Variants in PDE4D observed in about 807,000 individuals in gnomAD.
The protein encoded by PDE4D is 3',5'-cyclic-AMP phosphodiesterase 4D.
Under a neutral mutation model 87.4 loss-of-function variants are expected in PDE4D, and 24 were observed. The observed-to-expected ratio is 0.27, with a 90% CI of 0.20 to 0.39. The LOEUF is 0.39. Among genes scored for constraint, PDE4D ranks in the 10% least tolerant of loss-of-function variants. The pLI, the probability that PDE4D is intolerant of heterozygous loss-of-function variation, is 1.00. For missense variants in PDE4D, 714 were observed against 1,041.0 expected, an observed-to-expected ratio of 0.69 and a Z score of 4.32; for synonymous variants, 384 against 383.2, an observed-to-expected ratio of 1.00 and a Z score of -0.02.
chr5:59,768,417 T>C, intron 1 of PDE4D: 1 of 1,598,362 alleles, frequency 6.3e-7, no homozygotes, highest in Non-Finnish European at 8.5e-7. Flanking sequence ...CTCGCAAGGA[T>C]TTCACAAGGT....
intron 4 of PDE4D, among the ~76,000 whole-genome samples, chr5:59,181,825 A>AT (rs1206345677): frequency 6.6e-6 from 1 of 152,148 alleles, no homozygotes; most frequent in Non-Finnish European, 1.5e-5. Flanking sequence ...CCTAGGGTCT[A>AT]TGCTCTGCTT....
intron 5 of PDE4D, among the ~76,000 whole-genome samples, chr5:59,165,979 G>C (rs1010015976): frequency 1.3e-5 from 2 of 152,130 alleles, no homozygotes; most frequent in African/African-American, 4.8e-5. Context: ...GCACTGTAAA[G>C]ATGCACTGAT....
intron 2 of PDE4D, among the ~76,000 whole-genome samples, chr5:60,017,840 T>G (rs1765670696): frequency 6.6e-6 from 1 of 152,184 alleles, no homozygotes; most frequent in African/African-American, 2.4e-5. Context: ...TCAAATGGTA[T>G]TTCTGGTTCT....
intron 1 of PDE4D, among the ~76,000 whole-genome samples, chr5:59,455,955 C>A (rs1183324467): frequency 1.3e-5 from 2 of 152,192 alleles, no homozygotes; most frequent in African/African-American, 4.8e-5. Flanking sequence ...TTACCCAATG[C>A]CTGTACCCCC....
At chr5:59,795,286 T>C (rs1001219670) in intron 1 of PDE4D, among the ~76,000 whole-genome samples, 2 of 152,156 alleles carry the variant, frequency 1.3e-5, no homozygotes, top group African/African-American at 2.4e-5. Context: ...TATGTGAGGA[T>C]AGACTTAGGG....
intron 5 of PDE4D, among the ~76,000 whole-genome samples, chr5:59,118,471 G>T (rs1286976479): frequency 6.6e-6 from 1 of 152,126 alleles, no homozygotes; most frequent in Non-Finnish European, 1.5e-5. Context: ...AGTGAATAGA[G>T]CAATTCAAAC....
At chr5:59,387,955 C>G (rs988176451) in intron 1 of PDE4D, among the ~76,000 whole-genome samples, 1 of 152,018 alleles carries the variant, frequency 6.6e-6, no homozygotes, top group African/African-American at 2.4e-5. Flanking sequence ...CTTCAGCCCC[C>G]ACCCATCAGC....
chr5:60,372,705 C>T (rs1048879738), intron 1 of PDE4D: 8 of 152,192 alleles, frequency 5.3e-5, no homozygotes, highest in Non-Finnish European at 1.2e-4. Context: ...CACGTACTCT[C>T]TGTGTGACCA....
At chr5:59,073,215 T>C (rs562524663) in intron 5 of PDE4D, among the ~76,000 whole-genome samples, 1 of 152,210 alleles carries the variant, frequency 6.6e-6, no homozygotes, top group East Asian at 1.9e-4. Context: ...GGTCAATACA[T>C]AGTTATAAAA....
chr5:58,976,982 C>T (rs1399133702), intron 12 of PDE4D, among the ~76,000 whole-genome samples: 1 of 152,152 alleles, frequency 6.6e-6, no homozygotes, highest in Non-Finnish European at 1.5e-5. Context: ...TGAGGGTGAG[C>T]TGACATTATT....
In PDE4D at chr5:60,463,226, C is replaced by T. The variant is rs145626932; in HGVS notation, c.-90+24716G>A. The stretch of plus-strand genomic sequence containing the variant: ...TCAGGACTAGTCAGTGCAATCCAGA[C>T]GTGCACACCCTAGATGAGGGAGTTT... On this transcript the variant is annotated intron_variant, in intron 1 of 16. Transcript: ENST00000502484. 3.9e-5 allele frequency among the ~76,000 whole-genome samples: 6 copies of T among 152,288 alleles called. No homozygotes were observed. In the East Asian group the frequency reaches 5.8e-4, roughly 15 times the overall value.
At chr5:59,206,863 C>T (rs555942973) in intron 2 of PDE4D, among the ~76,000 whole-genome samples, 63 of 152,258 alleles carry the variant, frequency 4.1e-4, no homozygotes, top group African/African-American at 1.5e-3. Flanking sequence ...TCTTCCCAGC[C>T]TGCCACCATA....
intron 1 of PDE4D, among the ~76,000 whole-genome samples, chr5:59,659,779 GTCTGAACCAC>G (rs1461511354): frequency 6.6e-6 from 1 of 152,126 alleles, no homozygotes; most frequent in Non-Finnish European, 1.5e-5. Flanking sequence ...GCACGAAATG[GTCTGAACCAC>G]ACCACACATC....
At chr5:59,436,544 TA>T (rs1796820412) in intron 1 of PDE4D, among the ~76,000 whole-genome samples, 1 of 152,180 alleles carries the variant, frequency 6.6e-6, no homozygotes, top group Non-Finnish European at 1.5e-5. Flanking sequence ...TCTCAGATTG[TA>T]AAAACTGTTG....
At chr5:60,513,240 T>C (rs1356517665) in intron 1 of PDE4D, among the ~76,000 whole-genome samples, 1 of 151,952 alleles carries the variant, frequency 6.6e-6, no homozygotes, top group Admixed American at 6.6e-5. Context: ...AGATTGAAGG[T>C]GAAAAGAATA....
chr5:60,087,309 C>T (rs1480828005), intron 2 of PDE4D, among the ~76,000 whole-genome samples: 3 of 152,176 alleles, frequency 2.0e-5, no homozygotes, highest in Non-Finnish European at 4.4e-5. Context: ...AGGTAGCTGA[C>T]TCTTCAAACA....
At chr5:60,173,765 A>T (rs1346647926) in intron 2 of PDE4D, among the ~76,000 whole-genome samples, 1 of 152,092 alleles carries the variant, frequency 6.6e-6, no homozygotes, top group Non-Finnish European at 1.5e-5. Flanking sequence ...ACTTATCACT[A>T]CTGTGGTATA....
intron 1 of PDE4D, among the ~76,000 whole-genome samples, chr5:59,824,658 T>G (rs561871413): frequency 2.0e-5 from 3 of 152,352 alleles, no homozygotes; most frequent in Admixed American, 6.5e-5. Context: ...TATTTAATAA[T>G]GTAAGTATGA....
At chr5:60,369,100 C>T (rs1293293198) in intron 1 of PDE4D, among the ~76,000 whole-genome samples, 3 of 151,832 alleles carry the variant, frequency 2.0e-5, no homozygotes, top group Admixed American at 6.6e-5. Flanking sequence ...CTCTCCCTCA[C>T]CCTGTCTGTC....
Sources: gnomAD v4.1 joint callset for allele counts (sites outside exome capture counted in the v4.1 genomes callset) on GRCh38, gnomAD v4.1.1 for gene constraint, MANE v1.5 for transcripts, NCBI Gene and HGNC (gene_info 2026-07-23, HGNC 2026-07-21) for gene names.